IFNAR1: variants seen among roughly 807,000 people sequenced by gnomAD.
The protein encoded by IFNAR1 is interferon alpha and beta receptor subunit 1, also known as interferon alpha/beta receptor 1.
IFNAR1 carries 47 observed loss-of-function variants against 62.1 expected under a neutral mutation model. The ratio of observed to expected loss-of-function variants is 0.76; its 90% CI spans 0.60 to 0.97. IFNAR1 has a LOEUF of 0.97. Ranked by LOEUF, IFNAR1 falls within the 50% of genes least tolerant of loss-of-function variation. The pLI, the probability that IFNAR1 is intolerant of heterozygous loss-of-function variation, is 0.00. For missense variants in IFNAR1, 638 were observed against 654.5 expected (o/e 0.97, Z 0.27); for synonymous variants, 219 against 226.9 (o/e 0.97, Z 0.31).
At chr21:33,349,911 C>T (rs949246863) in intron 8 of IFNAR1, among the ~76,000 whole-genome samples, 20 of 151,172 alleles carry the variant, frequency 1.3e-4, no homozygotes, top group African/African-American at 4.9e-4. Flanking sequence ...GAGTGACTGA[C>T]AGCTTGTCTT....
chr21:33,335,039 C>T, intron 1 of IFNAR1: 2 of 1,331,868 alleles, frequency 1.5e-6, no homozygotes, highest in Non-Finnish European at 2.2e-6. Context: ...GTGATGATGT[C>T]ACCACAAGGA....
intron 5 of IFNAR1, among the ~76,000 whole-genome samples, chr21:33,344,768 A>ATTTATTTG (rs2083328847): frequency 9.7e-6 from 1 of 102,932 alleles, no homozygotes; most frequent in Non-Finnish European, 2.0e-5. Context: ...TTTTTTACTT[A>ATTTATTTG]TTTATTTATT....
rs563939470 is a variant in IFNAR1, at chr21:33,358,320, A to G, written c.*2771A>G. The G allele has an allele frequency of 2.4e-4, 36 of 152,306 alleles. No individual in the cohort carries two copies. The South Asian group carries it at 7.5e-3, about 32-fold the overall frequency. The allele number at this position is 152,306 out of a possible 1,614,324, so 9.4% of individuals were successfully genotyped here. A position where few individuals can be genotyped will look rare whatever the true frequency, so the allele number is the denominator to read the frequency against. ...AAGTATTTTTTCTGAACAGAAGTTT[A>G]CTTAGAAATACCATGCACTTGGGGG... On this transcript the variant is annotated 3_prime_UTR_variant, in exon 11 of 11. Coordinates refer to ENST00000270139, the MANE Select transcript of IFNAR1 (RefSeq NM_000629.3).
In IFNAR1 at chr21:33,341,158, T is replaced by C. The variant is rs1284951681; in HGVS notation, c.360T>C (p.Phe120=). 6.2e-7 allele frequency: 1 copy of C among 1,609,416 alleles called. No homozygotes were observed. The highest frequency in any genetic ancestry group is 1.3e-5 in the African/African-American group (1 of 74,724). ...NTSSWYEVDS[F]TPFRKAQIGP... ...CTTCATGGTATGAGGTTGACTCATT[T>C]ACACCATTTCGCAAAGGTAAGAAAA... The change falls in exon 3 of 11, where the codon TTT becomes TTC. Residue 120 remains phenylalanine (F), a synonymous_variant. Transcript: ENST00000270139.
intron 8 of IFNAR1, among the ~76,000 whole-genome samples, chr21:33,350,450 A>G (rs566190674): frequency 9.9e-5 from 15 of 152,136 alleles, no homozygotes; most frequent in Non-Finnish European, 2.1e-4. Flanking sequence ...ATTCCTTAGT[A>G]TTTAATTTTA....
chr21:33,343,599 G>A lies in IFNAR1; in HGVS notation c.596G>A (p.Cys199Tyr). Reference protein sequence around the residue: ...IYKLSPETTYCLKVKAALLTS... With the variant: ...IYKLSPETTYYLKVKAALLTS... ...AAACTCTCACCAGAGACTACTTATT[G>A]TCTAAAAGTTAAAGCAGCACTACTT... The change falls in exon 5 of 11, where the codon TGT (cysteine) becomes TAT (tyrosine). Residue 199 changes from cysteine (C) to tyrosine (Y), a missense_variant. Cys to Tyr is a radical substitution (Grantham distance 194, BLOSUM62 -2). Transcript: ENST00000270139. The A allele has an allele frequency of 6.3e-7, 1 of 1,584,492 alleles. No homozygotes were observed. The highest frequency in any genetic ancestry group is 8.7e-7 in the Non-Finnish European group (1 of 1,153,304).
At chr21:33,353,138 T>G (rs2083414972) in intron 9 of IFNAR1, among the ~76,000 whole-genome samples, 1 of 152,226 alleles carries the variant, frequency 6.6e-6, no homozygotes, top group Non-Finnish European at 1.5e-5. Context: ...CCAGTATCCC[T>G]ATAATTAATT....
At chr21:33,331,926 C>T (rs1319009396) in intron 1 of IFNAR1, among the ~76,000 whole-genome samples, 2 of 152,182 alleles carry the variant, frequency 1.3e-5, no homozygotes, top group Non-Finnish European at 2.9e-5. Context: ...CCAGGAAGCA[C>T]CTCCAGGTCA....
At chr21:33,326,367 G>C (rs2083126742) in intron 1 of IFNAR1, among the ~76,000 whole-genome samples, 1 of 151,930 alleles carries the variant, frequency 6.6e-6, no homozygotes, top group South Asian at 2.1e-4. Context: ...ACCACATCCG[G>C]CTATTTTTTG....
intron 1 of IFNAR1, chr21:33,335,160 A>G (rs945246151): frequency 3.5e-6 from 2 of 574,828 alleles, no homozygotes; most frequent in Non-Finnish European, 6.4e-6. Flanking sequence ...ATGAACATAC[A>G]ATGTGAAATC....
chr21:33,355,162 C>T (rs2083435239), intron 10 of IFNAR1, among the ~76,000 whole-genome samples, 154 bp from the exon 11 acceptor site: 1 of 152,006 alleles, frequency 6.6e-6, no homozygotes, highest in Admixed American at 6.6e-5. Flanking sequence ...CATTATAAGG[C>T]AATTAGTATG....
At chr21:33,347,657 A>G (rs1323962759) in intron 6 of IFNAR1, among the ~76,000 whole-genome samples, 1 of 152,096 alleles carries the variant, frequency 6.6e-6, no homozygotes, top group Admixed American at 6.5e-5. Context: ...CCTTAATTAC[A>G]TCTGTGAAAT....
intron 8 of IFNAR1, 106 bp from the exon 9 acceptor site, chr21:33,352,652 G>A (rs955050055): frequency 2.1e-5 from 12 of 579,652 alleles, no homozygotes; most frequent in African/African-American, 1.7e-4. Flanking sequence ...TACCAACTAC[G>A]TGGGAGAGGC....
chr21:33,354,960 A>G (rs895495048), intron 10 of IFNAR1, among the ~76,000 whole-genome samples: 2 of 151,916 alleles, frequency 1.3e-5, no homozygotes, highest in African/African-American at 2.4e-5. Context: ...CTGGATATAT[A>G]TGTGTTGGAT....
rs969646555 is a variant in IFNAR1 at position 33,357,058 on chromosome 21, C to T, written c.*1509C>T. 3 of 152,192 alleles carry T rather than the reference C, an allele frequency of 2.0e-5. No homozygotes were observed. The highest frequency in any genetic ancestry group is 7.2e-5 in the African/African-American group (3 of 41,428). 9.4% of individuals were successfully genotyped at this position (152,192 alleles called of 1,614,324 possible). ...GAAATTACATAATGCTTTCCAAAGG[C>T]ACCTACAACTTAGTTTTAAATTACT... On this transcript the variant is annotated 3_prime_UTR_variant, in exon 11 of 11. Transcript: ENST00000270139.
In IFNAR1 at chr21:33,325,030, C is replaced by G. The variant is rs370797415; in HGVS notation, c.-26C>G. 6 of 1,575,142 alleles carry G rather than the reference C, an allele frequency of 3.8e-6. No individual in the cohort carries two copies. In the African/African-American group the frequency reaches 5.4e-5, roughly 14 times the overall value. Reference sequence around the variant, plus strand: ...GAGCTGCGCGTGCGCGAACATGTAACTGGTGGGATCTGCGGCGGCTCCCAG... The same window carrying G: ...GAGCTGCGCGTGCGCGAACATGTAAGTGGTGGGATCTGCGGCGGCTCCCAG... On this transcript the variant is annotated 5_prime_UTR_variant, in exon 1 of 11. Transcript: ENST00000270139.
At chr21:33,344,736 T>TA (rs1476362631) in intron 5 of IFNAR1, among the ~76,000 whole-genome samples, 6 of 151,784 alleles carry the variant, frequency 4.0e-5, no homozygotes, top group African/African-American at 1.5e-4. Context: ...CATTTGATCT[T>TA]AGCCATCTAT....
At chr21:33,337,234 T>TA (rs1271987987) in intron 2 of IFNAR1, among the ~76,000 whole-genome samples, 3 of 151,804 alleles carry the variant, frequency 2.0e-5, no homozygotes, top group Admixed American at 6.6e-5. Context: ...AATAAATAAA[T>TA]AAATAAAATA....
At chr21:33,352,970 C>T (rs2083413384) in intron 9 of IFNAR1, 62 bp downstream of exon 9, 1 of 1,169,540 alleles carries the variant, frequency 8.6e-7, no homozygotes, top group South Asian at 2.1e-5. Flanking sequence ...TAATTCTATA[C>T]TGTACATTGA....
Sources: allele counts gnomAD v4.1 joint callset (sites outside exome capture counted in the v4.1 genomes callset), GRCh38; gene constraint gnomAD v4.1.1; transcripts MANE v1.5; gene names NCBI Gene and HGNC (gene_info 2026-07-23, HGNC 2026-07-21).